Variants in TRIM21 observed in about 807,000 individuals in gnomAD.
The protein encoded by TRIM21 is E3 ubiquitin-protein ligase TRIM21.
TRIM21 carries 35 observed loss-of-function variants against 36.1 expected under a neutral mutation model. The observed-to-expected ratio is 0.97, with a 90% CI of 0.74 to 1.28. The LOEUF (loss-of-function observed/expected upper bound fraction) is 1.28, where lower values mean the gene tolerates loss of function less well. Among genes scored for constraint, TRIM21 ranks in the 50% most tolerant of loss-of-function variants. The pLI is 0.00. For missense variants in TRIM21, 635 were observed against 570.7 expected (o/e 1.11, Z -1.15); for synonymous variants, 256 against 211.5 (o/e 1.21, Z -1.83).
At chr11:4,386,482 T>C (rs1417975085) in intron 5 of TRIM21, among the ~76,000 whole-genome samples, 1 of 152,208 alleles carries the variant, frequency 6.6e-6, no homozygotes, top group Non-Finnish European at 1.5e-5. Flanking sequence ...GGACAGTCTG[T>C]CTCTCCTGTC....
At chr11:4,389,360 A>G (rs1250436059) in intron 3 of TRIM21, among the ~76,000 whole-genome samples, 1 of 152,080 alleles carries the variant, frequency 6.6e-6, no homozygotes, top group Non-Finnish European at 1.5e-5. Flanking sequence ...ACGCCATCAC[A>G]CCTCTGAGAC....
chr11:4,390,032 G>T lies in TRIM21; in HGVS notation c.378C>A (p.Val126=). The T allele has an allele frequency of 6.2e-7, 1 of 1,613,870 alleles. No individual in the cohort carries two copies. The highest frequency in any genetic ancestry group is 8.5e-7 in the Non-Finnish European group (1 of 1,179,842). The change falls in exon 2 of 7, where the codon GTC becomes GTA. Residue 126 remains valine, a synonymous_variant. Coordinates refer to ENST00000254436, the MANE Select transcript of TRIM21 (RefSeq NM_003141.4). ...ACTCCTGTGCAGCCTCCTCAAGAGG[G>T]ACCATGGCGTGGTCACGGTGTTTCC... The part of the protein sequence containing the change: ...QSRKHRDHAM[V]PLEEAAQEYQ...
chr11:4,389,538 C>G (rs780702041), intron 3 of TRIM21, 116 bp downstream of exon 3: 1 of 877,340 alleles, frequency 1.1e-6, no homozygotes. Context: ...GAGAGTGAGA[C>G]GGACCAACTC....
intron 5 of TRIM21, among the ~76,000 whole-genome samples, chr11:4,386,663 C>A (rs1057145094): frequency 6.6e-6 from 1 of 152,128 alleles, no homozygotes; most frequent in Non-Finnish European, 1.5e-5. Flanking sequence ...GAAAAGGAGT[C>A]CCAGCAGGCC....
chr11:4,390,588 T>G, intron 1 of TRIM21, 130 bp from the exon 2 acceptor site: 1 of 639,898 alleles, frequency 1.6e-6, no homozygotes, highest in Non-Finnish European at 2.6e-6. Flanking sequence ...ATCCTAAAAT[T>G]TATATGGAAT....
At position 4,385,696 on chromosome 11, in the gene TRIM21, A is replaced by G. The variant is rs371149584; in HGVS notation, c.1017T>C (p.Ser339=). The G allele has an allele frequency of 4.3e-6, 7 of 1,613,186 alleles. No homozygotes were observed. The African/African-American group carries it at 9.3e-5, about 22-fold the overall frequency. ...PMVLGAQHFH[S]GKHYWEVDVT... ...CATCTACCTCCCAGTAATGTTTTCC[A>G]GAGTGAAAGTGCTGGGCACCCAGGA... The change falls in exon 7 of 7, where the codon TCT becomes TCC. Residue 339 remains serine (S), a synonymous_variant. Coordinates refer to ENST00000254436, the MANE Select transcript of TRIM21 (RefSeq NM_003141.4).
chr11:4,390,320 C>A lies in TRIM21; in HGVS notation c.90G>T (p.Glu30Asp). 6.2e-7 allele frequency: 1 copy of A among 1,613,980 alleles called. No homozygotes were observed. Among genetic ancestry groups the A allele is most frequent in the Non-Finnish European group, 8.5e-7 (1 of 1,179,894 alleles). The change falls in exon 2 of 7, where the codon GAG becomes GAT. Residue 30 changes from glutamate (E) to aspartate (D), a missense_variant. Transcript: ENST00000254436. ...ATTCCTGGCAGAAGCTGTGGCCACACTCGATGCTCACAGGCTCCACGAAGG... is the reference window on the plus strand; with the variant it reads ...ATTCCTGGCAGAAGCTGTGGCCACAATCGATGCTCACAGGCTCCACGAAGG... ...LDPFVEPVSI[E>D]CGHSFCQECI...
Position 4,386,967 on chromosome 11 carries a change from C to T in TRIM21, c.758+1G>A. The T allele has an allele frequency of 6.3e-7, 1 of 1,583,738 alleles. No homozygotes were observed. The highest frequency in any genetic ancestry group is 8.6e-7 in the Non-Finnish European group (1 of 1,163,492). ...TTCTAACAAAGAAAACTCCTCCTTA[C>T]CTTTCCAGGACAATTATCACCTCCT... On this transcript the variant is annotated splice_donor_variant, in intron 5 of 6. Transcript: ENST00000254436. LOFTEE classifies it high-confidence loss of function.
rs565889763 is a variant in TRIM21, at chr11:4,385,871, C to T, written c.860-18G>A. 1.3e-3 allele frequency: 2,059 copies of T among 1,588,210 alleles called. 44 individuals carry two copies. In the South Asian group the frequency reaches 0.022, roughly 17 times the overall value. On this transcript the variant is annotated intron_variant, in intron 6 of 6. Transcript: ENST00000254436. Reference sequence around the variant, plus strand: ...GATGTGGACTGCAGAGAGAGGACCACAGTCAGGCCTTGCATGGGGGGAGTT... The same window carrying T: ...GATGTGGACTGCAGAGAGAGGACCATAGTCAGGCCTTGCATGGGGGGAGTT...
At chr11:4,387,831 C>CATAA (rs10553949) in intron 4 of TRIM21, among the ~76,000 whole-genome samples, 4,061 of 150,964 alleles carry the variant, frequency 0.027, 84 homozygotes, top group Non-Finnish European at 0.042. Flanking sequence ...AACTCTGTCT[C>CATAA]ATAAATAAAT....
chr11:4,392,149 A>G (rs936295927), intron 1 of TRIM21, among the ~76,000 whole-genome samples: 2 of 152,212 alleles, frequency 1.3e-5, no homozygotes, highest in Admixed American at 1.3e-4. Flanking sequence ...TGATTATTAC[A>G]CATTGTATAC....
intron 4 of TRIM21, 49 bp from the exon 5 acceptor site, chr11:4,387,039 CT>C: frequency 6.4e-7 from 1 of 1,551,962 alleles, no homozygotes; most frequent in Non-Finnish European, 8.7e-7. Context: ...TGGATCGCCA[CT>C]GAGACATCAG....
chr11:4,388,450 C>T lies in TRIM21; in HGVS notation c.585G>A (p.Arg195=). The T allele has an allele frequency of 4.3e-6, 7 of 1,613,826 alleles. No individual in the cohort carries two copies. Among genetic ancestry groups the T allele is most frequent in the Non-Finnish European group, 5.9e-6 (7 of 1,179,892 alleles). The change falls in exon 4 of 7, where the codon AGG becomes AGA. Residue 195 remains arginine (R), a synonymous_variant. Coordinates refer to ENST00000254436, the MANE Select transcript of TRIM21 (RefSeq NM_003141.4). The stretch of plus-strand genomic sequence containing the variant: ...CATCCTTCTCCAGCTCCTGCAGCTG[C>T]CTCTGTTCTTCTTCAACCAGGAAGT... ...QKNFLVEEEQ[R]QLQELEKDER...
chr11:4,389,764 A>C lies in TRIM21; in HGVS notation c.409-15T>G, dbSNP rs1365021360. ...TGGAGCTTCTCCTGCAGAGAAAGACAGCTTATTCGTCCCCCATGCAAACCA... is the reference window on the plus strand; with the variant it reads ...TGGAGCTTCTCCTGCAGAGAAAGACCGCTTATTCGTCCCCCATGCAAACCA... On this transcript the variant is annotated splice_polypyrimidine_tract_variant and intron_variant, in intron 2 of 6. Coordinates refer to ENST00000254436, the MANE Select transcript of TRIM21 (RefSeq NM_003141.4). 6.2e-7 allele frequency: 1 copy of C among 1,612,048 alleles called. No individual in the cohort carries two copies. Among genetic ancestry groups the C allele is most frequent in the Non-Finnish European group, 8.5e-7 (1 of 1,178,192 alleles).
Position 4,388,377 on chromosome 11 carries a change from G to A in TRIM21, c.658C>T (p.Gln220Ter), listed in dbSNP as rs1435288852. The A allele has an allele frequency of 1.2e-6, 2 of 1,613,928 alleles. No individual in the cohort carries two copies. The highest frequency in any genetic ancestry group is 1.7e-6 in the Non-Finnish European group (2 of 1,179,888). Reference protein sequence around the residue: ...ILGEKEAKLAQQSQALQELIS... With the variant: ...ILGEKEAKLA Reference sequence around the variant, plus strand: ...AGCTCCTGTAGGGCCTGGCTCTGCTGGGCCAGCTTGGCCTCTTTCTCCCCC... The same window carrying A: ...AGCTCCTGTAGGGCCTGGCTCTGCTAGGCCAGCTTGGCCTCTTTCTCCCCC... The change falls in exon 4 of 7, where the codon CAG becomes TAG. Residue 220 changes from glutamine (Q) to a stop codon, truncating the protein, a stop_gained. Transcript: ENST00000254436. LOFTEE classifies it high-confidence loss of function.
intron 1 of TRIM21, among the ~76,000 whole-genome samples, chr11:4,391,325 TG>T (rs1447189472): frequency 6.6e-6 from 1 of 152,236 alleles, no homozygotes; most frequent in African/African-American, 2.4e-5. Flanking sequence ...TATGAACAGT[TG>T]CTCAACATCA....
At chr11:4,386,855 A>T in intron 5 of TRIM21, 113 bp downstream of exon 5, 1 of 1,101,992 alleles carries the variant, frequency 9.1e-7, no homozygotes, top group Non-Finnish European at 1.3e-6. Flanking sequence ...TTTTGAGAAT[A>T]GGAAGCCAGA....
chr11:4,388,070 G>A, intron 4 of TRIM21, among the ~76,000 whole-genome samples: 1 of 152,170 alleles, frequency 6.6e-6, no homozygotes, highest in East Asian at 1.9e-4. Context: ...TATCATTGGT[G>A]GATGCAAGAT....
At chr11:4,387,376 C>A (rs114189729) in intron 4 of TRIM21, among the ~76,000 whole-genome samples, 251 of 152,196 alleles carry the variant, frequency 1.6e-3, no homozygotes, top group Non-Finnish European at 2.8e-3. Flanking sequence ...AGAAACCACT[C>A]TATTCCACTT....
Sources: gnomAD v4.1 joint callset for allele counts (sites outside exome capture counted in the v4.1 genomes callset) on GRCh38, gnomAD v4.1.1 for gene constraint, MANE v1.5 for transcripts, NCBI Gene and HGNC (gene_info 2026-07-23, HGNC 2026-07-21) for gene names.